The following POLRMT variants were observed in gnomAD, a reference collection of about 807,000 sequenced individuals.
POLRMT encodes RNA polymerase mitochondrial, also known as DNA-directed RNA polymerase, mitochondrial.
POLRMT carries 114 observed loss-of-function variants against 132.2 expected under a neutral mutation model. That is an observed-to-expected ratio of 0.86 (90% confidence interval 0.74 to 1.01). POLRMT has a LOEUF of 1.01. POLRMT is among the 50% of genes least tolerant of loss of function. POLRMT has a pLI of 0.00. For missense variants in POLRMT, 2,003 were observed against 1,729.1 expected, an observed-to-expected ratio of 1.16 and a Z score of -2.81; for synonymous variants, 1,020 against 773.4, an observed-to-expected ratio of 1.32 and a Z score of -5.29.
At position 620,455 on chromosome 19, in the gene POLRMT, G is replaced by A. The variant is rs763981641; in HGVS notation, c.2673C>T (p.Pro891=). 2.1e-5 allele frequency: 33 copies of A among 1,600,834 alleles called. No homozygotes were observed. The highest frequency in any genetic ancestry group is 2.3e-5 in the Non-Finnish European group (27 of 1,173,750). ...GRKWWMGAEE[P]WQTLACCMEV... ...CCATACAGCAGGCCAGCGTCTGCCA[G>A]GGTTCCTCCGCGCCCATCCACCACT... The change falls in exon 11 of 21, where the codon CCC becomes CCT. Residue 891 remains proline (P), a synonymous_variant. Coordinates refer to ENST00000588649, the MANE Select transcript of POLRMT (RefSeq NM_005035.4).
chr19:618,596 G>T lies in POLRMT; in HGVS notation c.3324-10C>A, dbSNP rs369286382. 57 of 1,608,380 alleles carry T rather than the reference G, an allele frequency of 3.5e-5. 1 individual carries two copies. The highest frequency in any genetic ancestry group is 4.8e-5 in the Non-Finnish European group (57 of 1,175,576). ...ACGTGTGTTGGGCTTTCTGAGGACG[G>T]AACAGGTGCCGGTGGGGGCGGCCCA... is the stretch of plus-strand genomic sequence containing the variant. On this transcript the variant is annotated splice_polypyrimidine_tract_variant and intron_variant, in intron 16 of 20. Transcript: ENST00000588649.
intron 1 of POLRMT, 139 bp from the exon 2 acceptor site, chr19:633,077 G>C (rs1474941103): frequency 8.6e-6 from 6 of 695,420 alleles, no homozygotes; most frequent in Middle Eastern, 3.2e-4. Context: ...AAGTTGGAAA[G>C]AAACTAAGAC....
At chr19:618,889 CTG>C (rs775316102) in intron 15 of POLRMT, 106 bp downstream of exon 15, 110 of 1,361,944 alleles carry the variant, frequency 8.1e-5, no homozygotes, top group Non-Finnish European at 1.1e-4. Flanking sequence ...GGGTGGCACA[CTG>C]GGGCGGTGGT....
chr19:630,268 A>G (rs2144697121), intron 2 of POLRMT, 100 bp from the exon 3 acceptor site: 1 of 1,392,442 alleles, frequency 7.2e-7, no homozygotes. Context: ...CAGGTGGCTG[A>G]GCTCGCTGGG....
At position 617,564 on chromosome 19, in the gene POLRMT, CCTTA is replaced by C; in HGVS notation, c.3581+2_3581+5del. On this transcript the variant is annotated splice_donor_variant and splice_donor_5th_base_variant and intron_variant, in intron 19 of 20. Coordinates refer to ENST00000588649, the MANE Select transcript of POLRMT (RefSeq NM_005035.4). LOFTEE classifies it high-confidence loss of function. ...TCCAGGTAGTTGGGGTCAGGGAGCG[CCTTA>C]CTCAGAGCAGAACCGCTTGACCAGG... 1.2e-6 allele frequency: 2 copies of C among 1,611,486 alleles called. No individual in the cohort carries two copies. Among genetic ancestry groups the C allele is most frequent in the Non-Finnish European group, 1.7e-6 (2 of 1,179,950 alleles).
intron 18 of POLRMT, 53 bp from the exon 19 acceptor site, chr19:617,708 AC>A: frequency 1.6e-5 from 26 of 1,610,652 alleles, no homozygotes; most frequent in Non-Finnish European, 2.0e-5. Flanking sequence ...TCTGGGCACC[AC>A]CCCTACCCAA....
chr19:632,537 G>GT, intron 2 of POLRMT, among the ~76,000 whole-genome samples: 1 of 128,068 alleles, frequency 7.8e-6, no homozygotes, highest in South Asian at 3.0e-4. Context: ...CGGCGGGGCC[G>GT]GGGGGGGGGT....
chr19:618,679 GGC>G (rs1438737662), intron 16 of POLRMT, 24 bp downstream of exon 16: 11 of 1,606,090 alleles, frequency 6.8e-6, no homozygotes, highest in Non-Finnish European at 9.4e-6. Flanking sequence ...CCCCCGGCCA[GGC>G]CCCAGCCCGG....
chr19:622,447 C>T (rs1275790879), intron 8 of POLRMT, 74 bp from the exon 9 acceptor site: 9 of 1,462,662 alleles, frequency 6.2e-6, no homozygotes, highest in Middle Eastern at 2.5e-4. Flanking sequence ...GTGCCTGACG[C>T]CCGGTGGGGC....
Position 617,271 on chromosome 19 carries a change from G to A in POLRMT, c.*3C>T, listed in dbSNP as rs780401893. The A allele has an allele frequency of 5.6e-6, 9 of 1,612,766 alleles. No homozygotes were observed. The highest frequency in any genetic ancestry group is 1.7e-5 in the Admixed American group (1 of 60,028). On this transcript the variant is annotated 3_prime_UTR_variant, in exon 21 of 21. Coordinates refer to ENST00000588649, the MANE Select transcript of POLRMT (RefSeq NM_005035.4). ...TTTACACACTGACAAGGCTCACGGGGTGTCAGCTGAAGAAGTAGGTGGAAC... is the reference window on the plus strand; with the variant it reads ...TTTACACACTGACAAGGCTCACGGGATGTCAGCTGAAGAAGTAGGTGGAAC...
intron 6 of POLRMT, among the ~76,000 whole-genome samples, chr19:623,215 A>G (rs565698495): frequency 3.9e-5 from 6 of 152,330 alleles, no homozygotes; most frequent in African/African-American, 1.4e-4. Flanking sequence ...GCCAAGACCC[A>G]ACCTCGGGAC....
At position 620,394 on chromosome 19, in the gene POLRMT, C is replaced by G; in HGVS notation, c.2734G>C (p.Ala912Pro). 1 of 1,582,172 alleles carries G rather than the reference C, an allele frequency of 6.3e-7. No individual in the cohort carries two copies. The highest frequency in any genetic ancestry group is 8.6e-7 in the Non-Finnish European group (1 of 1,165,366). Residue 912 changes from alanine (A) to proline (P), a missense_variant, in exon 11 of 21, where the codon GCC becomes CCC. Transcript: ENST00000588649. Reference sequence around the variant, plus strand: ...TGGACGGGGAGGTGGGAGACATAGGCGGCAGGGTCGGAGGCGCGCACAGCG... The same window carrying G: ...TGGACGGGGAGGTGGGAGACATAGGGGGCAGGGTCGGAGGCGCGCACAGCG... ...ANAVRASDPA[A>P]YVSHLPVHQD...
At position 621,567 on chromosome 19, in the gene POLRMT, C is replaced by T. The variant is rs200645726; in HGVS notation, c.2131G>A (p.Gly711Arg). Reference sequence around the variant, plus strand: ...TGCAGCACCAGGTCCAGCACGCGCCCGTTGACGCGCCAGGCGCAGTTGCCC... The same window carrying T: ...TGCAGCACCAGGTCCAGCACGCGCCTGTTGACGCGCCAGGCGCAGTTGCCC... ...QLGNCAWRVN[G>R]RVLDLVLQLF... Residue 711 changes from glycine to arginine, a missense_variant, in exon 10 of 21, where the codon GGG (glycine) becomes AGG (arginine). Gly to Arg is a moderately radical substitution (Grantham distance 125). Coordinates refer to ENST00000588649, the MANE Select transcript of POLRMT (RefSeq NM_005035.4). The T allele has an allele frequency of 4.8e-6, 7 of 1,454,354 alleles. No individual in the cohort carries two copies. Among genetic ancestry groups the T allele is most frequent in the Admixed American group, 2.5e-5 (1 of 39,978 alleles). The allele number at this position is 1,454,354 out of a possible 1,614,324, so 90.1% of individuals were successfully genotyped here.
intron 3 of POLRMT, 93 bp from the exon 4 acceptor site, chr19:625,347 C>T (rs1315528319): frequency 6.5e-7 from 1 of 1,539,502 alleles, no homozygotes; most frequent in Non-Finnish European, 8.8e-7. Flanking sequence ...TAGCCACCAG[C>T]TCAGCAGGGG....
At chr19:631,069 G>A (rs924285502) in intron 2 of POLRMT, among the ~76,000 whole-genome samples, 4 of 151,972 alleles carry the variant, frequency 2.6e-5, no homozygotes, top group African/African-American at 9.7e-5. Flanking sequence ...TGAGGCAGGA[G>A]AATTGCTTGA....
intron 8 of POLRMT, 31 bp downstream of exon 8, chr19:622,551 C>A: frequency 6.4e-7 from 1 of 1,569,652 alleles, no homozygotes; most frequent in East Asian, 2.3e-5. Flanking sequence ...CCACTGGCCC[C>A]AGCCAGGAGG....
At chr19:633,116 G>C (rs558091104) in intron 1 of POLRMT, 178 bp from the exon 2 acceptor site, 39 of 619,800 alleles carry the variant, frequency 6.3e-5, no homozygotes, top group South Asian at 5.2e-4. Flanking sequence ...CCGCCGCGGC[G>C]AACACGGGCG....
intron 13 of POLRMT, 112 bp downstream of exon 13, chr19:619,474 G>C (rs1600559033): frequency 6.9e-7 from 1 of 1,454,708 alleles, no homozygotes; most frequent in Non-Finnish European, 9.4e-7. Flanking sequence ...GCAGCCAGTG[G>C]TCTGGGGGAG....
At chr19:618,086 G>A in intron 17 of POLRMT, 3 of 579,910 alleles carry the variant, frequency 5.2e-6, no homozygotes, top group Non-Finnish European at 9.3e-6. Flanking sequence ...CCCCCACGCT[G>A]CTGTGGGAGC....
Sources: gnomAD v4.1 joint callset for allele counts (sites outside exome capture counted in the v4.1 genomes callset) on GRCh38, gnomAD v4.1.1 for gene constraint, MANE v1.5 for transcripts, NCBI Gene and HGNC (gene_info 2026-07-23, HGNC 2026-07-21) for gene names.